Variants in PTK2 observed in about 807,000 individuals in gnomAD.
The protein encoded by PTK2 is protein tyrosine kinase 2, also known as focal adhesion kinase 1.
PTK2 carries 45 observed loss-of-function variants against 150.1 expected under a neutral mutation model. The observed-to-expected ratio is 0.30, with a 90% CI of 0.24 to 0.38. The LOEUF is 0.38. Among genes scored for constraint, PTK2 ranks in the 10% least tolerant of loss-of-function variants. The pLI is 1.00. For missense variants in PTK2, 919 were observed against 1,307.3 expected (o/e 0.70, Z 4.58); for synonymous variants, 432 against 449.2 (o/e 0.96, Z 0.48).
At chr8:140,925,614 C>G (rs2100169137) in intron 2 of PTK2, 47 bp downstream of exon 2, 1 of 971,038 alleles carries the variant, frequency 1.0e-6, no homozygotes. Context: ...GGTGACAGTA[C>G]TGGCATTATT....
chr8:140,889,688 G>A (rs1234406667), intron 3 of PTK2, among the ~76,000 whole-genome samples: 1 of 151,756 alleles, frequency 6.6e-6, no homozygotes, highest in Non-Finnish European at 1.5e-5. Context: ...CCTTGTCACT[G>A]GAAACTTCTC....
chr8:140,734,989 G>C (rs1436221793), intron 22 of PTK2: 2 of 517,182 alleles, frequency 3.9e-6, no homozygotes, highest in Non-Finnish European at 7.0e-6. Context: ...TACGGGTCTT[G>C]TAAGCCATGC....
intron 29 of PTK2, among the ~76,000 whole-genome samples, chr8:140,672,556 T>C (rs999533211): frequency 3.3e-5 from 5 of 152,242 alleles, no homozygotes; most frequent in African/African-American, 9.6e-5. Flanking sequence ...CCTAGCCCAG[T>C]TGGTACTTTC....
At chr8:140,871,792 C>T (rs1238300508) in intron 4 of PTK2, among the ~76,000 whole-genome samples, 2 of 152,114 alleles carry the variant, frequency 1.3e-5, no homozygotes, top group African/African-American at 2.4e-5. Context: ...GAAAGGAGGA[C>T]TACTTGAACC....
At chr8:140,695,412 AT>A (rs200068174) in intron 26 of PTK2, among the ~76,000 whole-genome samples, 5,361 of 136,424 alleles carry the variant, frequency 0.039, 200 homozygotes, top group African/African-American at 0.11. Flanking sequence ...AGGTGGTCCT[AT>A]TTTTTTTTTT....
At chr8:140,927,944 AAAAAAAAAAAAAAG>A (rs1456839702) in intron 1 of PTK2, among the ~76,000 whole-genome samples, 10 of 104,472 alleles carry the variant, frequency 9.6e-5, no homozygotes, top group African/African-American at 3.3e-4. Context: ...CAAAAAGAAA[AAAAAAAAAAAAAAG>A]AAAAAAAAAA....
intron 1 of PTK2, among the ~76,000 whole-genome samples, chr8:140,931,178 T>C (rs2100171617): frequency 6.6e-6 from 1 of 152,154 alleles, no homozygotes; most frequent in African/African-American, 2.4e-5. Context: ...CTTCACCCTA[T>C]TTTCTTTCCA....
At chr8:140,992,415 A>G (rs1042492426) in intron 1 of PTK2, among the ~76,000 whole-genome samples, 2 of 152,162 alleles carry the variant, frequency 1.3e-5, no homozygotes, top group African/African-American at 4.8e-5. Context: ...GGTTGCAGTG[A>G]GCTGAGAAAG....
At chr8:140,739,338 A>G (rs545721978) in intron 20 of PTK2, among the ~76,000 whole-genome samples, 1 of 152,308 alleles carries the variant, frequency 6.6e-6, no homozygotes, top group East Asian at 1.9e-4. Flanking sequence ...CCCTCTATAG[A>G]GAGGCAAAGA....
chr8:140,766,555 C>T (rs768490247), intron 14 of PTK2, among the ~76,000 whole-genome samples: 1 of 152,230 alleles, frequency 6.6e-6, no homozygotes, highest in Non-Finnish European at 1.5e-5. Context: ...GAACAGCCAC[C>T]AGAGTGGAAC....
intron 22 of PTK2, among the ~76,000 whole-genome samples, chr8:140,723,747 G>A (rs2154318220): frequency 6.6e-6 from 1 of 152,348 alleles, no homozygotes; most frequent in Middle Eastern, 3.4e-3. Context: ...AATGAAAGCT[G>A]AGACTTGTCA....
intron 14 of PTK2, among the ~76,000 whole-genome samples, chr8:140,774,719 G>A (rs1401482089): frequency 6.6e-6 from 1 of 152,166 alleles, no homozygotes; most frequent in African/African-American, 2.4e-5. Context: ...TAAAGATGCT[G>A]GCCAAAACCC....
intron 1 of PTK2, among the ~76,000 whole-genome samples, chr8:140,928,246 A>T (rs527566540): frequency 6.6e-6 from 1 of 152,198 alleles, no homozygotes; most frequent in East Asian, 1.9e-4. Context: ...ATCATTAAAA[A>T]ATGTTAAAAC....
Position 140,890,530 on chromosome 8 carries a change from A to G in PTK2, c.195+13T>C. 1 of 1,604,916 alleles carries G rather than the reference A, an allele frequency of 6.2e-7. No homozygotes were observed. Among genetic ancestry groups the G allele is most frequent in the Non-Finnish European group, 8.5e-7 (1 of 1,172,376 alleles). ...ATAAACATTAAAGATGTCTCATGGAAAAACGTACTTACCCTGACATCAGTA... is the reference window on the plus strand; with the variant it reads ...ATAAACATTAAAGATGTCTCATGGAGAAACGTACTTACCCTGACATCAGTA... On this transcript the variant is annotated intron_variant, in intron 3 of 31. Coordinates refer to ENST00000522684, the Ensembl canonical transcript of PTK2.
intron 29 of PTK2, among the ~76,000 whole-genome samples, chr8:140,673,686 TG>T (rs2100011940): frequency 1.3e-5 from 2 of 152,050 alleles, no homozygotes; most frequent in South Asian, 4.2e-4. Flanking sequence ...TGAGGGCTGG[TG>T]GGGACCCAGG....
At chr8:140,849,650 G>C (rs1199934905) in intron 5 of PTK2, among the ~76,000 whole-genome samples, 1 of 152,194 alleles carries the variant, frequency 6.6e-6, no homozygotes. Flanking sequence ...CTAAAAGATT[G>C]ATCAAAATGA....
intron 29 of PTK2, chr8:140,673,980 T>A: frequency 4.3e-6 from 2 of 461,202 alleles, no homozygotes; most frequent in Non-Finnish European, 8.5e-6. Context: ...CCAGAAACAA[T>A]CTTGGCACTT....
chr8:140,912,178 G>T (rs1055334791), intron 2 of PTK2, among the ~76,000 whole-genome samples: 2 of 151,884 alleles, frequency 1.3e-5, no homozygotes, highest in Non-Finnish European at 2.9e-5. Context: ...AGGACTTCAA[G>T]GATACAGTGA....
chr8:140,698,961 G>T (rs2154056056), intron 26 of PTK2, among the ~76,000 whole-genome samples: 1 of 143,860 alleles, frequency 7.0e-6, no homozygotes, highest in East Asian at 2.0e-4. Context: ...TAGAGACGGG[G>T]TTTCACCATG....
Sources: gnomAD v4.1 joint callset for allele counts (sites outside exome capture counted in the v4.1 genomes callset) on GRCh38, gnomAD v4.1.1 for gene constraint, MANE v1.5 for transcripts, NCBI Gene and HGNC (gene_info 2026-07-23, HGNC 2026-07-21) for gene names.